SELENOO: variants seen among roughly 807,000 people sequenced by gnomAD.
SELENOO encodes the protein selenoprotein O.
In SELENOO, 74 loss-of-function variants were observed where a neutral mutation model predicts 58.7. That is an observed-to-expected ratio of 1.26 (90% CI 1.04 to 1.53). The LOEUF (loss-of-function observed/expected upper bound fraction) is 1.53. Among genes scored for constraint, SELENOO ranks in the 40% most tolerant of loss-of-function variants. SELENOO has a pLI of 0.00. For missense variants in SELENOO, 1,149 were observed against 970.0 expected, an observed-to-expected ratio of 1.18 and a Z score of -2.45; for synonymous variants, 543 against 453.2, an observed-to-expected ratio of 1.20 and a Z score of -2.52.
chr22:50,215,628 A>C, intron 5 of SELENOO, 89 bp from the exon 6 acceptor site: 12 of 1,000,324 alleles, frequency 1.2e-5, no homozygotes, highest in South Asian at 1.6e-5. Context: ...CACCTGTGCC[A>C]GGGGGGTGGG....
intron 5 of SELENOO, 71 bp from the exon 6 acceptor site, chr22:50,215,646 G>C (rs899741231): frequency 7.1e-6 from 9 of 1,269,884 alleles, no homozygotes; most frequent in East Asian, 5.3e-5. Flanking sequence ...GGGGGGGGGG[G>C]GGTCTGTGTG....
chr22:50,203,676 A>G (rs1353163090), intron 1 of SELENOO, among the ~76,000 whole-genome samples: 1 of 152,230 alleles, frequency 6.6e-6, no homozygotes, highest in Non-Finnish European at 1.5e-5. Flanking sequence ...AAAAGAATGA[A>G]GCTGGGTCCT....
chr22:50,210,502 C>G (rs920162317), intron 4 of SELENOO, 129 bp from the exon 5 acceptor site: 1 of 1,433,822 alleles, frequency 7.0e-7, no homozygotes, highest in East Asian at 2.4e-5. Flanking sequence ...AGACAGGACC[C>G]CTGTGGGACA....
At chr22:50,207,499 C>T (rs1230001491) in intron 2 of SELENOO, among the ~76,000 whole-genome samples, 2 of 151,944 alleles carry the variant, frequency 1.3e-5, no homozygotes, top group Non-Finnish European at 2.9e-5. Context: ...ATGTAGTTGT[C>T]TGTTGGTCTT....
Position 50,215,847 on chromosome 22 carries a change from C to T in SELENOO, c.1482C>T (p.Phe494=). 6.2e-7 allele frequency: 1 copy of T among 1,610,504 alleles called. No homozygotes were observed. The highest frequency in any genetic ancestry group is 8.5e-7 in the Non-Finnish European group (1 of 1,177,550). ...CCCTGGAGGAGCTGAGGCTGGCCTT[C>T]CGGCCCCAGATGGATCCCCGGTGGG... is the stretch of plus-strand genomic sequence containing the variant. ...CASLEELRLA[F]RPQMDPRQLS... The change falls in exon 6 of 9, where the codon TTC becomes TTT. Residue 494 remains phenylalanine, a synonymous_variant. Transcript: ENST00000380903.
At chr22:50,204,083 G>A (rs2064317856) in intron 1 of SELENOO, among the ~76,000 whole-genome samples, 1 of 152,208 alleles carries the variant, frequency 6.6e-6, no homozygotes, top group South Asian at 2.1e-4. Context: ...TTTATAACAT[G>A]AGAAGACGCT....
intron 1 of SELENOO, among the ~76,000 whole-genome samples, chr22:50,203,168 G>C (rs2064313645): frequency 6.6e-6 from 1 of 152,200 alleles, no homozygotes; most frequent in South Asian, 2.1e-4. Flanking sequence ...AAGGCCAGGA[G>C]TTGGAGACCA....
At chr22:50,206,905 G>A (rs568645573) in intron 2 of SELENOO, among the ~76,000 whole-genome samples, 4 of 152,128 alleles carry the variant, frequency 2.6e-5, no homozygotes, top group Non-Finnish European at 4.4e-5. Flanking sequence ...GGGGGAGGGG[G>A]TCCCTGAGCC....
chr22:50,201,061 G>A lies in SELENOO; in HGVS notation c.25G>A (p.Gly9Arg), dbSNP rs1374032880. 6 of 1,355,348 alleles carry A rather than the reference G, an allele frequency of 4.4e-6. No individual in the cohort carries two copies. Among genetic ancestry groups the A allele is most frequent in the South Asian group, 1.8e-5 (1 of 56,258 alleles). 84.0% of individuals were successfully genotyped at this position (1,355,348 alleles called of 1,614,324 possible). ...GATGGCCGTATACAGGGCAGCGCTC[G>A]GGGCTTCGCTCGCGGCTGCCCGACT... is the stretch of plus-strand genomic sequence containing the variant. MAVYRAAL[G>R]ASLAAARLLP... The change falls in exon 1 of 9, where the codon GGG becomes AGG. Residue 9 changes from glycine to arginine, a missense_variant. Gly to Arg is a moderately radical substitution (Grantham distance 125, BLOSUM62 -2). Coordinates refer to ENST00000380903, the MANE Select transcript of SELENOO (RefSeq NM_031454.2).
Position 50,217,493 on chromosome 22 carries a change from T to TGGATGTCTC in SELENOO, c.*124_*125insGGATGTCTC. On this transcript the variant is annotated 3_prime_UTR_variant, in exon 9 of 9. Coordinates refer to ENST00000380903, the MANE Select transcript of SELENOO (RefSeq NM_031454.2). Reference sequence around the variant, plus strand: ...CTGCCCTGGCCCATGCACACCCGTCTTTCCATGATGGCAGAGACATCCAGT... The same window carrying TGGATGTCTC: ...CTGCCCTGGCCCATGCACACCCGTCTGGATGTCTCTTCCATGATGGCAGAGACATCCAGT... 15 of 1,243,622 alleles carry TGGATGTCTC rather than the reference T, an allele frequency of 1.2e-5. No individual in the cohort carries two copies. The highest frequency in any genetic ancestry group is 1.7e-5 in the Non-Finnish European group (15 of 895,640). 77.0% of individuals were successfully genotyped at this position (1,243,622 alleles called of 1,614,324 possible).
At position 50,217,320 on chromosome 22, in the gene SELENOO, G is replaced by A. The variant is rs1207385222; in HGVS notation, c.1961G>A (p.Ser654Asn). ...GADGRQRSYSSKPPLWAAELC... is the reference protein window; with the variant it reads ...GADGRQRSYSNKPPLWAAELC... The stretch of plus-strand genomic sequence containing the variant: ...GACGGCAGGCAGCGCTCCTACAGCA[G>A]TAAGCCCCCGCTCTGGGCAGCAGAA... The change falls in exon 9 of 9, where the codon AGT becomes AAT. Residue 654 changes from serine (S) to asparagine (N), a missense_variant. Physicochemically the swap from Ser to Asn is conservative, Grantham distance 46. Coordinates refer to ENST00000380903, the MANE Select transcript of SELENOO (RefSeq NM_031454.2). 1 of 1,612,806 alleles carries A rather than the reference G, an allele frequency of 6.2e-7. No individual in the cohort carries two copies. Among genetic ancestry groups the A allele is most frequent in the East Asian group, 2.2e-5 (1 of 44,890 alleles).
chr22:50,205,841 G>A (rs1025422809), intron 1 of SELENOO: 7 of 167,930 alleles, frequency 4.2e-5, no homozygotes, highest in Non-Finnish European at 6.4e-5. Context: ...CGGGTTTTGC[G>A]GGGCGGGCAG....
intron 5 of SELENOO, 82 bp from the exon 6 acceptor site, chr22:50,215,635 T>TC: frequency 2.2e-6 from 2 of 892,014 alleles, no homozygotes; most frequent in African/African-American, 4.8e-5. Context: ...GCCAGGGGGG[T>TC]GGGGGGGGGG....
intron 5 of SELENOO, among the ~76,000 whole-genome samples, chr22:50,215,247 G>C (rs2064397488): frequency 6.6e-6 from 1 of 152,160 alleles, no homozygotes; most frequent in Non-Finnish European, 1.5e-5. Context: ...GTGACTGTGA[G>C]GATGTGAGGG....
Position 50,217,062 on chromosome 22 carries a change from G to A in SELENOO, c.1779G>A (p.Lys593=). The A allele has an allele frequency of 6.2e-7, 1 of 1,612,820 alleles. No individual in the cohort carries two copies. The highest frequency in any genetic ancestry group is 8.5e-7 in the Non-Finnish European group (1 of 1,179,968). ...GCGTGATGCACGCCAACAACCCGAAGTACGTGCTGAGGAACTACATCGCGC... is the reference window on the plus strand; with the variant it reads ...GCGTGATGCACGCCAACAACCCGAAATACGTGCTGAGGAACTACATCGCGC... ...HVRVMHANNP[K]YVLRNYIAQN... Residue 593 remains lysine (K), a synonymous_variant, in exon 8 of 9, where the codon AAG becomes AAA. Transcript: ENST00000380903.
rs748680728 is a variant in SELENOO at position 50,206,456 on chromosome 22, T to C, written c.694T>C (p.Tyr232His). ...GTCCACGGTGGTGCGCGACGTGTTC[T>C]ATGATGGTAATCCCAAATATGAACA... Reference protein sequence around the residue: ...SESTVVRDVFYDGNPKYEQCT... With the variant: ...SESTVVRDVFHDGNPKYEQCT... Residue 232 changes from tyrosine to histidine, a missense_variant, in exon 2 of 9, where the codon TAT (tyrosine) becomes CAT (histidine). By Grantham distance (83) the Tyr-to-His change is moderately conservative. Coordinates refer to ENST00000380903, the MANE Select transcript of SELENOO (RefSeq NM_031454.2). 1 of 1,614,076 alleles carries C rather than the reference T, an allele frequency of 6.2e-7. No homozygotes were observed. The highest frequency in any genetic ancestry group is 1.3e-5 in the African/African-American group (1 of 74,936).
chr22:50,211,035 A>G (rs758809867), intron 5 of SELENOO, 124 bp downstream of exon 5: 52 of 968,866 alleles, frequency 5.4e-5, no homozygotes, highest in Non-Finnish European at 7.7e-5. Context: ...CAGCCCTGGC[A>G]CCCCCATTCT....
At chr22:50,215,321 A>G (rs1293113691) in intron 5 of SELENOO, among the ~76,000 whole-genome samples, 1 of 151,930 alleles carries the variant, frequency 6.6e-6, no homozygotes, top group East Asian at 1.9e-4. Flanking sequence ...AGGGTGAGCA[A>G]ATGGCAGCTG....
At chr22:50,204,722 G>A (rs1053591573) in intron 1 of SELENOO, among the ~76,000 whole-genome samples, 2 of 152,162 alleles carry the variant, frequency 1.3e-5, no homozygotes, top group African/African-American at 4.8e-5. Flanking sequence ...AGTTGCTGTG[G>A]AAAACAGTGT....
Sources: gnomAD v4.1 joint callset for allele counts (sites outside exome capture counted in the v4.1 genomes callset) on GRCh38, gnomAD v4.1.1 for gene constraint, MANE v1.5 for transcripts, NCBI Gene and HGNC (gene_info 2026-07-23, HGNC 2026-07-21) for gene names.